The following KCNH7 variants were observed in gnomAD, a reference collection of about 807,000 sequenced individuals.
KCNH7 encodes the protein voltage-gated inwardly rectifying potassium channel KCNH7.
Under a neutral mutation model 120.8 loss-of-function variants are expected in KCNH7, and 49 were observed. The observed-to-expected ratio is 0.41, with a 90% CI of 0.32 to 0.51. KCNH7 has a LOEUF of 0.51. Among genes scored for constraint, KCNH7 ranks in the 20% least tolerant of loss-of-function variants. KCNH7 has a pLI of 0.38. For missense variants in KCNH7, 1,097 were observed against 1,446.6 expected (o/e 0.76, Z 3.92); for synonymous variants, 547 against 516.1 (o/e 1.06, Z -0.81).
intron 6 of KCNH7, among the ~76,000 whole-genome samples, chr2:162,458,097 CTATGTGCG>C (rs1287150994): frequency 1.6e-4 from 21 of 135,164 alleles, no homozygotes; most frequent in African/African-American, 5.8e-4. Flanking sequence ...AGATATTTGG[CTATGTGCG>C]TGTGTGTGTG....
intron 2 of KCNH7, among the ~76,000 whole-genome samples, chr2:162,597,804 T>C (rs1042124476): frequency 6.6e-6 from 1 of 152,094 alleles, no homozygotes; most frequent in South Asian, 2.1e-4. Flanking sequence ...TTTCATTGTA[T>C]CCCATAAGTA....
chr2:162,779,586 T>C (rs1172272501), intron 2 of KCNH7, among the ~76,000 whole-genome samples: 1 of 152,220 alleles, frequency 6.6e-6, no homozygotes, highest in Non-Finnish European at 1.5e-5. Context: ...TTATATGTAC[T>C]TCTTGTTATA....
intron 3 of KCNH7, chr2:162,528,087 T>C (rs989080291): frequency 6.6e-6 from 1 of 151,962 alleles, no homozygotes; most frequent in Non-Finnish European, 1.5e-5. Context: ...TGGCAGGCAA[T>C]CTGAGTAATG....
Position 162,379,871 on chromosome 2 carries a change from A to T in KCNH7, c.3113T>A (p.Leu1038His), listed in dbSNP as rs959005296. The part of the protein sequence containing the change: ...YGEVEQRLDL[L>H]QEQLNRLESQ... The stretch of plus-strand genomic sequence containing the variant: ...CTTATACCTGTTAAGTTGCTCCTGG[A>T]GCAGATCTAATCTTTGTTCCACTTC... The change falls in exon 14 of 16, where the codon CTC becomes CAC. Residue 1038 changes from leucine to histidine, a missense_variant. Physicochemically the swap from Leu to His is moderately conservative, Grantham distance 99. Coordinates refer to ENST00000332142, the MANE Select transcript of KCNH7 (RefSeq NM_033272.4). 1 of 1,613,810 alleles carries T rather than the reference A, an allele frequency of 6.2e-7. No homozygotes were observed. Among genetic ancestry groups the T allele is most frequent in the African/African-American group, 1.3e-5 (1 of 74,888 alleles).
At chr2:162,640,128 G>T (rs903631357) in intron 2 of KCNH7, among the ~76,000 whole-genome samples, 2 of 152,102 alleles carry the variant, frequency 1.3e-5, no homozygotes, top group Admixed American at 1.3e-4. Flanking sequence ...TCCCCAAATT[G>T]CTATACCGGT....
At chr2:162,469,756 A>G (rs535398490) in intron 6 of KCNH7, among the ~76,000 whole-genome samples, 26 of 148,440 alleles carry the variant, frequency 1.8e-4, no homozygotes, top group African/African-American at 6.3e-4. Context: ...TCTGATGCCG[A>G]GCTGAAGCTG....
intron 2 of KCNH7, among the ~76,000 whole-genome samples, chr2:162,817,365 G>A (rs1684952416): frequency 6.6e-6 from 1 of 151,972 alleles, no homozygotes; most frequent in Non-Finnish European, 1.5e-5. Flanking sequence ...CATGTTTTTG[G>A]AAATCATGCA....
chr2:162,780,504 G>T (rs1683436766), intron 2 of KCNH7, among the ~76,000 whole-genome samples: 1 of 152,130 alleles, frequency 6.6e-6, no homozygotes, highest in South Asian at 2.1e-4. Context: ...CAGAATCCTT[G>T]AGTTCTAAGG....
At chr2:162,487,187 C>T (rs1690125859) in intron 6 of KCNH7, among the ~76,000 whole-genome samples, 1 of 152,098 alleles carries the variant, frequency 6.6e-6, no homozygotes, top group South Asian at 2.1e-4. Context: ...TAACATAAAT[C>T]TTATGATTAA....
chr2:162,742,115 A>G lies in KCNH7; in HGVS notation c.307+94422T>C, dbSNP rs372263529. On this transcript the variant is annotated intron_variant, in intron 2 of 15. Transcript: ENST00000332142. ...GCACCTGAAGACCACATCTCTAGAT[A>G]TTTGCCTTGTTGATTCTACCAGAAA... 8.5e-5 allele frequency among the ~76,000 whole-genome samples: 13 copies of G among 152,328 alleles called. No individual in the cohort carries two copies. In the East Asian group the frequency reaches 1.9e-3, roughly 23 times the overall value.
At chr2:162,597,779 A>G (rs562333393) in intron 2 of KCNH7, among the ~76,000 whole-genome samples, 2 of 152,268 alleles carry the variant, frequency 1.3e-5, no homozygotes, top group Non-Finnish European at 2.9e-5. Context: ...CACAATGTAT[A>G]CATGCACTGG....
intron 6 of KCNH7, among the ~76,000 whole-genome samples, chr2:162,482,947 C>A (rs546148951): frequency 6.6e-6 from 1 of 152,092 alleles, no homozygotes; most frequent in African/African-American, 2.4e-5. Flanking sequence ...TTTTTACCTG[C>A]TGTAACTGAA....
At chr2:162,572,284 A>C (rs1331965278) in intron 2 of KCNH7, among the ~76,000 whole-genome samples, 1 of 149,806 alleles carries the variant, frequency 6.7e-6, no homozygotes, top group Non-Finnish European at 1.5e-5. Context: ...CAGCCAAAAA[A>C]CACATGAAAA....
chr2:162,697,265 AAC>A lies in KCNH7; in HGVS notation c.307+139270_307+139271del, dbSNP rs565235663. 5.4e-3 allele frequency among the ~76,000 whole-genome samples: 822 copies of A among 152,262 alleles called. 7 individuals carry two copies. Among genetic ancestry groups the A allele is most frequent in the African/African-American group, 0.019 (780 of 41,564 alleles). On this transcript the variant is annotated intron_variant, in intron 2 of 15. Transcript: ENST00000332142. ...TGAATCCATCTGCCACCTTGCAGGA[AAC>A]ACAGAGTACAGAGAATCATGTTGCA...
At chr2:162,606,407 T>A (rs1297503588) in intron 2 of KCNH7, among the ~76,000 whole-genome samples, 2 of 152,196 alleles carry the variant, frequency 1.3e-5, no homozygotes, top group African/African-American at 4.8e-5. Context: ...CATCATTGAT[T>A]TAACCAGCAG....
chr2:162,371,409 G>A lies in KCNH7; in HGVS notation c.*420C>T, dbSNP rs929925108. 7.8e-7 allele frequency: 1 copy of A among 1,289,352 alleles called. No individual in the cohort carries two copies. The allele number at this position is 1,289,352 out of a possible 1,614,324, so 79.9% of individuals were successfully genotyped here. The stretch of plus-strand genomic sequence containing the variant: ...CCCTTTATCCCCCTGGAATTCCCAT[G>A]AGTTGAGGATCATCTGAATTTGAGT... On this transcript the variant is annotated 3_prime_UTR_variant, in exon 16 of 16. Transcript: ENST00000332142.
chr2:162,714,787 A>G (rs185670025), intron 2 of KCNH7, among the ~76,000 whole-genome samples: 1 of 152,312 alleles, frequency 6.6e-6, no homozygotes, highest in Admixed American at 6.5e-5. Context: ...GATTTTATAT[A>G]ATTTCCACAT....
intron 6 of KCNH7, among the ~76,000 whole-genome samples, chr2:162,471,469 G>C (rs1689526092): frequency 6.6e-6 from 1 of 152,142 alleles, no homozygotes; most frequent in African/African-American, 2.4e-5. Context: ...AAGAGCCTTG[G>C]AGATGGTGTG....
intron 2 of KCNH7, among the ~76,000 whole-genome samples, chr2:162,626,032 C>A (rs979890765): frequency 6.6e-6 from 1 of 152,088 alleles, no homozygotes. Context: ...TATGGTTCAA[C>A]TTTGGCTATA....
Sources: gnomAD v4.1 joint callset for allele counts (sites outside exome capture counted in the v4.1 genomes callset) on GRCh38, gnomAD v4.1.1 for gene constraint, MANE v1.5 for transcripts, NCBI Gene and HGNC (gene_info 2026-07-23, HGNC 2026-07-21) for gene names.